SCHIP1: variants seen among roughly 807,000 people sequenced by gnomAD.
SCHIP1 encodes the protein schwannomin interacting protein 1, also known as schwannomin-interacting protein 1.
A neutral mutation model predicts 29.7 loss-of-function variants in SCHIP1; 8 were observed. The observed-to-expected ratio is 0.27, with a 90% CI of 0.16 to 0.49. The LOEUF is 0.49. Among genes scored for constraint, SCHIP1 ranks in the 20% least tolerant of loss-of-function variants. The pLI is 0.99. For missense variants in SCHIP1, 193 were observed against 294.6 expected (o/e 0.66, Z 2.52); for synonymous variants, 76 against 94.9 (o/e 0.80, Z 1.16).
At chr3:159,728,243 G>C in the SCHIP1 span, among the ~76,000 whole-genome samples, 40 of 152,172 alleles carry the variant, frequency 2.6e-4, no homozygotes, top group African/African-American at 9.1e-4. Context: ...ACCTAGGCAG[G>C]GGATAAAGAC....
the SCHIP1 span, among the ~76,000 whole-genome samples, chr3:159,812,335 G>A: frequency 6.6e-6 from 1 of 152,012 alleles, no homozygotes; most frequent in Non-Finnish European, 1.5e-5. Flanking sequence ...ACTGTTATAT[G>A]GACTTTCTGA....
the SCHIP1 span, among the ~76,000 whole-genome samples, chr3:159,642,844 C>A: frequency 1.3e-5 from 2 of 152,006 alleles, no homozygotes; most frequent in Non-Finnish European, 2.9e-5. Flanking sequence ...GAGACAGAAA[C>A]AAAGGAGAGT....
chr3:159,743,944 AC>A, the SCHIP1 span, among the ~76,000 whole-genome samples: 1 of 152,108 alleles, frequency 6.6e-6, no homozygotes, highest in African/African-American at 2.4e-5. Flanking sequence ...ACATAGATGA[AC>A]CCCTAACTCA....
the SCHIP1 span, among the ~76,000 whole-genome samples, chr3:159,753,095 T>G: frequency 6.6e-6 from 1 of 152,206 alleles, no homozygotes; most frequent in African/African-American, 2.4e-5. Flanking sequence ...AACTCATGCT[T>G]CTTCTCCTAG....
chr3:159,884,528 G>T (rs1292389927), intron 2 of SCHIP1, among the ~76,000 whole-genome samples: 1 of 152,144 alleles, frequency 6.6e-6, no homozygotes, highest in Non-Finnish European at 1.5e-5. Flanking sequence ...GACAGGACAA[G>T]CAGTATTAGA....
the SCHIP1 span, among the ~76,000 whole-genome samples, chr3:159,563,001 C>T: frequency 6.6e-6 from 1 of 152,082 alleles, no homozygotes; most frequent in African/African-American, 2.4e-5. Flanking sequence ...CTCATGGAAA[C>T]TTATTTTGAA....
the SCHIP1 span, among the ~76,000 whole-genome samples, chr3:159,411,420 G>A: frequency 3.9e-5 from 6 of 151,964 alleles, no homozygotes; most frequent in Non-Finnish European, 8.8e-5. Flanking sequence ...CCTACTCTGT[G>A]ACCAGAAATG....
the SCHIP1 span, among the ~76,000 whole-genome samples, chr3:159,596,392 G>A: frequency 8.5e-5 from 13 of 152,268 alleles, no homozygotes; most frequent in Admixed American, 3.9e-4. Context: ...AGAGTGTGGC[G>A]ATTCCTCAAG....
the SCHIP1 span, among the ~76,000 whole-genome samples, chr3:159,384,576 T>C: frequency 6.6e-6 from 1 of 151,424 alleles, no homozygotes; most frequent in African/African-American, 2.4e-5. Context: ...TTCTCTTTTT[T>C]GGTTGTGTCT....
the SCHIP1 span, among the ~76,000 whole-genome samples, chr3:159,341,631 T>TC: frequency 6.6e-6 from 1 of 152,162 alleles, no homozygotes; most frequent in African/African-American, 2.4e-5. Context: ...TCCTCTTCCC[T>TC]GAAGGGTTTG....
At chr3:159,404,420 G>A in the SCHIP1 span, among the ~76,000 whole-genome samples, 13 of 152,048 alleles carry the variant, frequency 8.5e-5, no homozygotes, top group East Asian at 5.8e-4. Flanking sequence ...TGAAGGGAGC[G>A]TCCTAGGCCT....
At chr3:159,501,719 A>G in the SCHIP1 span, among the ~76,000 whole-genome samples, 1 of 152,244 alleles carries the variant, frequency 6.6e-6, no homozygotes, top group African/African-American at 2.4e-5. Flanking sequence ...CCTATAATGA[A>G]TAGTATAGTA....
At chr3:159,431,010 C>T in the SCHIP1 span, among the ~76,000 whole-genome samples, 2 of 152,050 alleles carry the variant, frequency 1.3e-5, no homozygotes, top group Non-Finnish European at 2.9e-5. Context: ...GGAAATCGAC[C>T]TTAGGACCAG....
the SCHIP1 span, among the ~76,000 whole-genome samples, chr3:159,358,542 T>C: frequency 6.6e-6 from 1 of 152,114 alleles, no homozygotes; most frequent in Non-Finnish European, 1.5e-5. Context: ...CAGGGGCTGG[T>C]GGGAAAGCCA....
chr3:159,597,346 AG>A, the SCHIP1 span, among the ~76,000 whole-genome samples: 1 of 152,160 alleles, frequency 6.6e-6, no homozygotes, highest in Non-Finnish European at 1.5e-5. Flanking sequence ...TGTTAAGTAT[AG>A]TCACCCTACT....
At chr3:159,518,234 A>C in the SCHIP1 span, among the ~76,000 whole-genome samples, 1 of 152,130 alleles carries the variant, frequency 6.6e-6, no homozygotes, top group African/African-American at 2.4e-5. Flanking sequence ...TATGTAATAA[A>C]AATAAAAACA....
chr3:159,314,752 G>C, the SCHIP1 span, among the ~76,000 whole-genome samples: 1 of 152,142 alleles, frequency 6.6e-6, no homozygotes, highest in Admixed American at 6.5e-5. Context: ...TGGATTTCTA[G>C]TTACGAGCAA....
chr3:159,504,819 G>T, the SCHIP1 span, among the ~76,000 whole-genome samples: 2 of 151,968 alleles, frequency 1.3e-5, no homozygotes, highest in Non-Finnish European at 2.9e-5. Context: ...AATAACCCCC[G>T]TTTTCACTGA....
the SCHIP1 span, among the ~76,000 whole-genome samples, chr3:159,313,411 G>A: frequency 2.6e-5 from 4 of 152,090 alleles, no homozygotes; most frequent in African/African-American, 9.7e-5. Flanking sequence ...ACATTTTGTT[G>A]GCACAAATGC....
Sources: gnomAD v4.1 joint callset for allele counts (sites outside exome capture counted in the v4.1 genomes callset) on GRCh38, gnomAD v4.1.1 for gene constraint, MANE v1.5 for transcripts, NCBI Gene and HGNC (gene_info 2026-07-23, HGNC 2026-07-21) for gene names.